The following SOD2 variants were observed in gnomAD, a reference collection of about 807,000 sequenced individuals.
SOD2 encodes the protein superoxide dismutase [Mn], mitochondrial.
SOD2 carries 11 observed loss-of-function variants against 27.0 expected under a neutral mutation model. The ratio of observed to expected loss-of-function variants is 0.41; its 90% CI spans 0.26 to 0.67. The LOEUF is 0.67. Ranked by LOEUF, SOD2 falls within the 30% of genes least tolerant of loss-of-function variation. The pLI is 0.34. For synonymous variants in SOD2, 105 were observed against 103.0 expected (o/e 1.02, Z -0.12); for missense variants, 250 against 274.5 (o/e 0.91, Z 0.63).
Position 159,734,383 on chromosome 6 carries a change from A to G in SOD2, c.-116+10747T>C, listed in dbSNP as rs573615510. ...AGAGTGAGACTCCATCTCAAAAAAA[A>G]AAAAAAAAATTCAGTTTAACATACC... On this transcript the variant is annotated intron_variant, in intron 1 of 3. Transcript: ENST00000537657. Among the ~76,000 whole-genome samples the G allele has an allele frequency of 5.8e-4, 88 of 152,190 alleles. No individual in the cohort carries two copies. The East Asian group carries it at 0.016, about 28-fold the overall frequency.
upstream of SOD2, among the ~76,000 whole-genome samples, chr6:159,694,343 G>A (rs1278619361): frequency 6.6e-6 from 1 of 152,126 alleles, no homozygotes; most frequent in African/African-American, 2.4e-5. Flanking sequence ...AGAATATGAT[G>A]GAAGGTAGCA....
At chr6:159,757,128 GTAAT>G (rs895037776) in intron 1 of SOD2, among the ~76,000 whole-genome samples, 27 of 152,162 alleles carry the variant, frequency 1.8e-4, no homozygotes, top group African/African-American at 5.8e-4. Flanking sequence ...TTTCTCAGAG[GTAAT>G]TAAGTATAAA....
chr6:159,688,936 C>G (rs541579956), intron 2 of SOD2, among the ~76,000 whole-genome samples: 1 of 152,188 alleles, frequency 6.6e-6, no homozygotes, highest in Non-Finnish European at 1.5e-5. Context: ...TCCCTTCTCC[C>G]TAACTCTACT....
chr6:159,729,158 T>C (rs1405493869), upstream of SOD2, among the ~76,000 whole-genome samples: 1 of 152,248 alleles, frequency 6.6e-6, no homozygotes, highest in African/African-American at 2.4e-5. Context: ...AGGTCTCTTA[T>C]GGTCTTGTAT....
intron 1 of SOD2, among the ~76,000 whole-genome samples, chr6:159,721,966 T>G (rs904395286): frequency 2.0e-5 from 3 of 152,066 alleles, no homozygotes; most frequent in African/African-American, 7.2e-5. Context: ...TGCATCATGG[T>G]TATTGTCTAA....
At chr6:159,756,315 C>T (rs945052466) in intron 1 of SOD2, 1 of 152,488 alleles carries the variant, frequency 6.6e-6, no homozygotes, top group African/African-American at 2.4e-5. Flanking sequence ...ATTGTAACTC[C>T]TTAATTAGCT....
At chr6:159,695,534 G>A (rs1282263439), upstream of SOD2, among the ~76,000 whole-genome samples, 1 of 152,122 alleles carries the variant, frequency 6.6e-6, no homozygotes, top group East Asian at 1.9e-4. Context: ...TTTTCTTTTT[G>A]TCGCCCAGGC....
At position 159,684,883 on chromosome 6, in the gene SOD2, G is replaced by C; in HGVS notation, c.494C>G (p.Pro165Arg). Residue 165 changes from proline (P) to arginine (R), a missense_variant, in exon 4 of 5, where the codon CCA becomes CGA. Pro to Arg is a moderately radical substitution (Grantham distance 103). Transcript: ENST00000538183. The stretch of plus-strand genomic sequence containing the variant: ...TGTTCCTTGCAGTGGATCCTGATTT[G>C]GACAAGCAGCAATTTGTAAGTGTCC... The part of the protein sequence containing the change: ...ERGHLQIAAC[P>R]NQDPLQGTTG... 1 of 1,612,260 alleles carries C rather than the reference G, an allele frequency of 6.2e-7. No individual in the cohort carries two copies. Among genetic ancestry groups the C allele is most frequent in the Non-Finnish European group, 8.5e-7 (1 of 1,179,148 alleles).
chr6:159,729,150 G>T (rs745891179), upstream of SOD2, among the ~76,000 whole-genome samples: 2 of 152,130 alleles, frequency 1.3e-5, no homozygotes, highest in Non-Finnish European at 2.9e-5. Context: ...AGCGTTCAAG[G>T]TCTCTTATGG....
chr6:159,749,591 G>T (rs945193470), upstream of SOD2, among the ~76,000 whole-genome samples: 27 of 152,122 alleles, frequency 1.8e-4, no homozygotes, highest in African/African-American at 6.5e-4. Flanking sequence ...ATTTTTAAAA[G>T]ACCTACATAA....
At chr6:159,717,402 A>C (rs1423398191) in intron 1 of SOD2, among the ~76,000 whole-genome samples, 1 of 152,234 alleles carries the variant, frequency 6.6e-6, no homozygotes, top group African/African-American at 2.4e-5. Flanking sequence ...GGCATGAGCC[A>C]CTGTGCCTAA....
intron 1 of SOD2, chr6:159,753,314 T>C (rs1285590470): frequency 1.7e-6 from 2 of 1,162,972 alleles, no homozygotes; most frequent in Admixed American, 2.3e-5. Flanking sequence ...GATGGATGTG[T>C]CCCAGAAAAG....
Position 159,673,364 on chromosome 6 carries a change from G to C in SOD2, c.*9129C>G, listed in dbSNP as rs1377703639. On this transcript the variant is annotated 3_prime_UTR_variant, in exon 5 of 5. Transcript: ENST00000538183. ...ATAGTTGGAAGTAAAGCACTCCTCA[G>C]CAAATGTAAAAGAACAGAAATTATA... 1 of 152,082 alleles carries C rather than the reference G, an allele frequency of 6.6e-6. No homozygotes were observed. Among genetic ancestry groups the C allele is most frequent in the Non-Finnish European group, 1.5e-5 (1 of 68,040 alleles). The allele number at this position is 152,082 out of a possible 1,614,324, so 9.4% of individuals were successfully genotyped here. A position where few individuals can be genotyped will look rare whatever the true frequency, so the allele number is the denominator to read the frequency against.
intron 2 of SOD2, chr6:159,688,461 A>G: frequency 2.1e-6 from 1 of 478,874 alleles, no homozygotes; most frequent in Non-Finnish European, 3.8e-6. Context: ...AAGCTAGAAA[A>G]TTCACTCCTG....
exon 1 of SOD2, chr6:159,727,152 C>G: frequency 2.2e-5 from 26 of 1,194,778 alleles, no homozygotes; most frequent in Non-Finnish European, 2.7e-5. Flanking sequence ...CTCCGGGGCC[C>G]GCGGAGCTCG....
intron 1 of SOD2, among the ~76,000 whole-genome samples, chr6:159,707,151 C>T (rs948527218): frequency 6.6e-6 from 1 of 151,704 alleles, no homozygotes; most frequent in African/African-American, 2.4e-5. Context: ...CACTAAATGC[C>T]CACAAGAGAA....
exon 1 of SOD2, chr6:159,762,108 T>C (rs775943845): frequency 1.2e-6 from 2 of 1,612,942 alleles, no homozygotes; most frequent in East Asian, 2.2e-5. Context: ...GCTCAGATCC[T>C]GTGGTCATCG....
rs564138649 is a variant in SOD2 at position 159,675,648 on chromosome 6, G to A, written c.*6845C>T. 6.6e-6 allele frequency: 1 copy of A among 152,120 alleles called. No individual in the cohort carries two copies. Among genetic ancestry groups the A allele is most frequent in the Non-Finnish European group, 1.5e-5 (1 of 68,020 alleles). The allele number at this position is 152,120 out of a possible 1,614,324, so 9.4% of individuals were successfully genotyped here. The stretch of plus-strand genomic sequence containing the variant: ...TAGACCTAAAACCATAAAAACCCTA[G>A]AAGAAAACCTATGCAGTACCATTCA... On this transcript the variant is annotated 3_prime_UTR_variant, in exon 5 of 5. Transcript: ENST00000538183.
chr6:159,742,818 G>A lies in SOD2; in HGVS notation c.-116+2312C>T, dbSNP rs183730046. Among the ~76,000 whole-genome samples the A allele has an allele frequency of 2.6e-5, 4 of 152,098 alleles. No individual in the cohort carries two copies. The East Asian group carries it at 7.8e-4, about 30-fold the overall frequency. On this transcript the variant is annotated intron_variant, in intron 1 of 3. Coordinates refer to the SOD2 transcript ENST00000537657. ...CACCTATAATCCCAGCACTTTGGGA[G>A]GCCAAGGTGGGAAGATCACTTGAGC...
Sources: gnomAD v4.1 joint callset for allele counts (sites outside exome capture counted in the v4.1 genomes callset) on GRCh38, gnomAD v4.1.1 for gene constraint, MANE v1.5 for transcripts, NCBI Gene and HGNC (gene_info 2026-07-23, HGNC 2026-07-21) for gene names.